Variants in MGST1 observed in about 807,000 individuals in gnomAD.
The protein encoded by MGST1 is glutathione S-transferase 12.
In MGST1, 5 loss-of-function variants were observed where a neutral mutation model predicts 8.9. The observed-to-expected ratio is 0.56, with a 90% CI of 0.29 to 1.19. MGST1 has a LOEUF of 1.19. MGST1 is among the 50% of genes most tolerant of loss of function. The pLI is 0.08. For synonymous variants in MGST1, 54 were observed against 67.8 expected (o/e 0.80, Z 1.00); for missense variants, 182 against 187.4 (o/e 0.97, Z 0.17).
At chr12:16,569,096 G>A (rs927298123) in intron 4 of MGST1, among the ~76,000 whole-genome samples, 2 of 152,086 alleles carry the variant, frequency 1.3e-5, no homozygotes, top group Non-Finnish European at 2.9e-5. Context: ...GCCATTTCCT[G>A]CTCCATGAAG....
chr12:16,397,600 G>C (rs1940616143), intron 1 of MGST1, among the ~76,000 whole-genome samples: 1 of 151,472 alleles, frequency 6.6e-6, no homozygotes, highest in Non-Finnish European at 1.5e-5. Flanking sequence ...ACAACAAAGA[G>C]TCCCATCAAA....
At position 16,369,862 on chromosome 12, in the gene MGST1, A is replaced by C. The variant is rs1010120571; in HGVS notation, c.222-6260A>C. On this transcript the variant is annotated intron_variant, in intron 3 of 3. Transcript: ENST00000535309. The surrounding 1 kb of genome is among the most constrained non-coding windows in gnomAD (Gnocchi z 4.8). ...TCAAGAGTCTGCAATCATTACATCC[A>C]CCAACATGCCCTTGGCCAGAGAAAG... 1 of 152,220 alleles carries C rather than the reference A, an allele frequency of 6.6e-6. No individual in the cohort carries two copies. Among genetic ancestry groups the C allele is most frequent in the Non-Finnish European group, 1.5e-5 (1 of 68,066 alleles). 9.4% of individuals were successfully genotyped at this position (152,220 alleles called of 1,614,324 possible). A position where few individuals can be genotyped will look rare whatever the true frequency, so the allele number is the denominator to read the frequency against.
In MGST1 at chr12:16,569,686, G is replaced by T. The variant is rs980227553; in HGVS notation, n.483-19842G>T. Reference sequence around the variant, plus strand: ...AATCACAAAATCTTCGATCTGAAAAGAATCTTTTGTTGCTAGAATAAAAGA... The same window carrying T: ...AATCACAAAATCTTCGATCTGAAAATAATCTTTTGTTGCTAGAATAAAAGA... On this transcript the variant is annotated intron_variant and non_coding_transcript_variant, in intron 4 of 4. Transcript: ENST00000538857. Among the ~76,000 whole-genome samples, 7 of 152,182 alleles carry T rather than the reference G, an allele frequency of 4.6e-5. No homozygotes were observed. The South Asian group carries it at 8.3e-4, about 18-fold the overall frequency.
rs1943420997 is a variant in MGST1 at position 16,589,390 on chromosome 12, C to G, written n.483-138C>G. On this transcript the variant is annotated intron_variant and non_coding_transcript_variant, in intron 4 of 4. Transcript: ENST00000538857. This position sits in a 1 kb window ranked among gnomAD's most constrained non-coding sequence, Gnocchi z 4.2. ...CATATTACTATGAGTGCAGTATAAG[C>G]TTGTGGCTTTACTTTTACTTGTGAC... 6.6e-6 allele frequency: 1 copy of G among 151,998 alleles called. No homozygotes were observed. The highest frequency in any genetic ancestry group is 2.4e-5 in the African/African-American group (1 of 41,392). The allele number at this position is 151,998 out of a possible 1,614,324, so 9.4% of individuals were successfully genotyped here.
chr12:16,463,413 C>G (rs1398451159), intron 4 of MGST1, among the ~76,000 whole-genome samples: 1 of 120,836 alleles, frequency 8.3e-6, no homozygotes, highest in African/African-American at 3.3e-5. Context: ...GAAGAACATT[C>G]GCTGTGAGGT....
chr12:16,397,141 G>T (rs1940612434), intron 1 of MGST1, among the ~76,000 whole-genome samples: 1 of 152,070 alleles, frequency 6.6e-6, no homozygotes, highest in African/African-American at 2.4e-5. Context: ...AAAGCCAACT[G>T]CTCTTTGACA....
At chr12:16,538,114 A>T (rs1941766653) in intron 4 of MGST1, among the ~76,000 whole-genome samples, 1 of 152,146 alleles carries the variant, frequency 6.6e-6, no homozygotes, top group Non-Finnish European at 1.5e-5. Context: ...CTGCTTAGAA[A>T]TTTCCTCTGC....
intron 1 of MGST1, among the ~76,000 whole-genome samples, chr12:16,394,140 G>T (rs2137055082): frequency 6.6e-6 from 1 of 152,344 alleles, no homozygotes; most frequent in Middle Eastern, 3.4e-3. Context: ...AGAAGTGTGA[G>T]AGTTCCTGTT....
chr12:16,472,266 A>C (rs1941293765), intron 4 of MGST1, among the ~76,000 whole-genome samples: 1 of 152,174 alleles, frequency 6.6e-6, no homozygotes, highest in Non-Finnish European at 1.5e-5. Context: ...CACAACCAGA[A>C]AAAAAACAAA....
chr12:16,432,106 A>G (rs1940943811), intron 1 of MGST1, among the ~76,000 whole-genome samples: 1 of 152,140 alleles, frequency 6.6e-6, no homozygotes, highest in African/African-American at 2.4e-5. Context: ...CTTCACATTG[A>G]ATGGCTAATT....
At chr12:16,393,475 C>T (rs759176238) in intron 1 of MGST1, among the ~76,000 whole-genome samples, 2 of 152,218 alleles carry the variant, frequency 1.3e-5, no homozygotes, top group Non-Finnish European at 2.9e-5. Context: ...TCTGGGATCA[C>T]TGCCACTGTG....
At chr12:16,433,669 C>T (rs111993544) in intron 1 of MGST1, among the ~76,000 whole-genome samples, 395 of 152,156 alleles carry the variant, frequency 2.6e-3, no homozygotes, top group African/African-American at 9.1e-3. Context: ...CCAAATACAA[C>T]CTCATGGAAA....
intron 4 of MGST1, among the ~76,000 whole-genome samples, chr12:16,478,275 G>T (rs1045563181): frequency 2.0e-5 from 3 of 152,144 alleles, no homozygotes; most frequent in Admixed American, 2.0e-4. Flanking sequence ...TGATCCGCCT[G>T]CCTCGGCTTC....
Position 16,363,648 on chromosome 12 carries a change from A to G in MGST1, c.222-147A>G. The G allele has an allele frequency of 1.6e-6, 1 of 634,030 alleles. No homozygotes were observed. Among genetic ancestry groups the G allele is most frequent in the East Asian group, 3.0e-5 (1 of 33,438 alleles). The allele number at this position is 634,030 out of a possible 1,614,324, so 39.3% of individuals were successfully genotyped here. A position where few individuals can be genotyped will look rare whatever the true frequency, so the allele number is the denominator to read the frequency against. Reference sequence around the variant, plus strand: ...ATAAAAGTCAAGTGGGCAAGGAAGCAAGACAATTTGAGAGAAAAAAAATAA... The same window carrying G: ...ATAAAAGTCAAGTGGGCAAGGAAGCGAGACAATTTGAGAGAAAAAAAATAA... On this transcript the variant is annotated intron_variant, in intron 3 of 3. Transcript: ENST00000396210. This position sits in a 1 kb window ranked among gnomAD's most constrained non-coding sequence, Gnocchi z 4.6.
intron 1 of MGST1, chr12:16,400,475 C>A (rs1199997255): frequency 5.0e-6 from 4 of 796,818 alleles, no homozygotes; most frequent in Middle Eastern, 3.2e-4. Context: ...AGATTGATCA[C>A]CAGTGAGTCT....
At chr12:16,438,468 C>A (rs1941008751) in exon 2 of MGST1, 1 of 151,802 alleles carries the variant, frequency 6.6e-6, no homozygotes, top group Admixed American at 6.6e-5. Context: ...CGTTGCTTAG[C>A]AGGGTGATTT....
intron 1 of MGST1, among the ~76,000 whole-genome samples, chr12:16,352,340 A>T (rs530382105): frequency 1.3e-3 from 200 of 152,304 alleles, no homozygotes; most frequent in African/African-American, 4.5e-3. Flanking sequence ...GGTAAGATGG[A>T]TAGAAAGATT....
chr12:16,394,558 CT>C (rs1565446441), intron 1 of MGST1, among the ~76,000 whole-genome samples: 817 of 73,272 alleles, frequency 0.011, 21 homozygotes, highest in East Asian at 0.067. Flanking sequence ...TTCTTTCTTT[CT>C]TTCTTTCTTT....
At chr12:16,421,037 A>G (rs753765817) in intron 1 of MGST1, among the ~76,000 whole-genome samples, 18 of 152,008 alleles carry the variant, frequency 1.2e-4, no homozygotes, top group African/African-American at 1.7e-4. Flanking sequence ...CTTCTCTCCT[A>G]TCCTCTGCTA....
Sources: gnomAD v4.1 joint callset for allele counts (sites outside exome capture counted in the v4.1 genomes callset) on GRCh38, gnomAD v4.1.1 for gene constraint, Gnocchi (gnomAD v3.1) non-coding constraint, MANE v1.5 for transcripts, NCBI Gene and HGNC (gene_info 2026-07-23, HGNC 2026-07-21) for gene names.